The following NRXN3 variants were observed in gnomAD, a reference collection of about 807,000 sequenced individuals.
NRXN3 encodes neurexin III.
In NRXN3, 32 loss-of-function variants were observed where a neutral mutation model predicts 137.6. The ratio of observed to expected loss-of-function variants is 0.23; its 90% CI spans 0.18 to 0.31. NRXN3 has a LOEUF of 0.31. Among genes scored for constraint, NRXN3 ranks in the 10% least tolerant of loss-of-function variants. The pLI is 1.00. For synonymous variants in NRXN3, 798 were observed against 784.5 expected, an observed-to-expected ratio of 1.02 and a Z score of -0.29; for missense variants, 1,574 against 2,062.5, an observed-to-expected ratio of 0.76 and a Z score of 4.59.
At chr14:79,155,515 G>A (rs1374100252) in intron 15 of NRXN3, among the ~76,000 whole-genome samples, 1 of 151,648 alleles carries the variant, frequency 6.6e-6, no homozygotes, top group Non-Finnish European at 1.5e-5. Context: ...TCTTTAAGTT[G>A]ATTTATTTTA....
intron 10 of NRXN3, among the ~76,000 whole-genome samples, chr14:78,953,545 G>T (rs1567806067): frequency 6.6e-6 from 1 of 152,152 alleles, no homozygotes; most frequent in Non-Finnish European, 1.5e-5. Context: ...TTACCCAAGG[G>T]ATTCATTAAA....
chr14:78,318,221 G>A (rs1208333319), intron 4 of NRXN3, among the ~76,000 whole-genome samples: 1 of 152,138 alleles, frequency 6.6e-6, no homozygotes, highest in Non-Finnish European at 1.5e-5. Context: ...AAGGCCATTG[G>A]TATCCTAGCA....
intron 15 of NRXN3, among the ~76,000 whole-genome samples, chr14:79,269,889 A>T (rs1026916923): frequency 6.6e-6 from 1 of 152,224 alleles, no homozygotes; most frequent in Non-Finnish European, 1.5e-5. Flanking sequence ...TAAAAAATGA[A>T]GTCCTAGTAC....
Position 79,667,566 on chromosome 14 carries a change from G to A in NRXN3, c.3616+3617G>A, listed in dbSNP as rs139980126. Among the ~76,000 whole-genome samples the A allele has an allele frequency of 2.3e-3, 345 of 152,110 alleles. 1 individual carries two copies. Among genetic ancestry groups the A allele is most frequent in the African/African-American group, 8.0e-3 (331 of 41,516 alleles). ...ACTGGCTCTTTCTTTGTGAATCAGG[G>A]AAGAAACAGAATGAAAATAGTTCTA... On this transcript the variant is annotated intron_variant, in intron 17 of 20. Transcript: ENST00000335750.
At chr14:79,516,015 C>G (rs1312914632) in intron 16 of NRXN3, among the ~76,000 whole-genome samples, 1 of 152,168 alleles carries the variant, frequency 6.6e-6, no homozygotes, top group East Asian at 1.9e-4. Context: ...AGGCTGTGAC[C>G]TTTCAAGCTA....
chr14:78,642,458 G>T (rs1319226564), intron 4 of NRXN3, among the ~76,000 whole-genome samples: 1 of 152,116 alleles, frequency 6.6e-6, no homozygotes, highest in Admixed American at 6.5e-5. Flanking sequence ...CCTTTGAAGG[G>T]TACTGGATGA....
At chr14:79,813,704 C>T (rs1603586462) in intron 20 of NRXN3, among the ~76,000 whole-genome samples, 1 of 152,064 alleles carries the variant, frequency 6.6e-6, no homozygotes, top group Non-Finnish European at 1.5e-5. Flanking sequence ...TTTTCCTCTT[C>T]CTCCTTCTAT....
chr14:78,431,286 C>T (rs73311803), intron 4 of NRXN3, among the ~76,000 whole-genome samples: 11,054 of 152,112 alleles, frequency 0.073, 1,151 homozygotes, highest in African/African-American at 0.23. Context: ...TTGATAGGCA[C>T]TAAGGGAAAC....
intron 15 of NRXN3, among the ~76,000 whole-genome samples, chr14:79,215,225 G>T (rs1381999557): frequency 6.6e-6 from 1 of 152,134 alleles, no homozygotes; most frequent in Non-Finnish European, 1.5e-5. Context: ...CTGGAGCTGT[G>T]GATCGCCACA....
At chr14:79,331,085 G>A (rs1349204441) in intron 15 of NRXN3, among the ~76,000 whole-genome samples, 1 of 152,174 alleles carries the variant, frequency 6.6e-6, no homozygotes, top group African/African-American at 2.4e-5. Flanking sequence ...GCAGTCTAGG[G>A]ATGCTAAGGG....
At chr14:78,787,278 G>T (rs1284568275) in intron 8 of NRXN3, among the ~76,000 whole-genome samples, 2 of 151,872 alleles carry the variant, frequency 1.3e-5, no homozygotes, top group African/African-American at 4.8e-5. Flanking sequence ...TCTCTGATCT[G>T]GCCTCAGATA....
chr14:79,547,965 A>G (rs1319431127), intron 16 of NRXN3, among the ~76,000 whole-genome samples: 1 of 152,104 alleles, frequency 6.6e-6, no homozygotes, highest in Non-Finnish European at 1.5e-5. Flanking sequence ...AGAAGAGGCT[A>G]GGAGAGGAAG....
chr14:78,217,370 G>C (rs1375428957), intron 1 of NRXN3, among the ~76,000 whole-genome samples: 2 of 152,098 alleles, frequency 1.3e-5, no homozygotes, highest in Admixed American at 6.5e-5. Context: ...TGAGAGCAGT[G>C]GTTCTCAACC....
intron 17 of NRXN3, among the ~76,000 whole-genome samples, chr14:79,666,258 TCTCC>T (rs1449322989): frequency 6.6e-6 from 1 of 152,134 alleles, no homozygotes; most frequent in Non-Finnish European, 1.5e-5. Context: ...TGTTCATTCT[TCTCC>T]CTGAGACTGT....
intron 17 of NRXN3, among the ~76,000 whole-genome samples, chr14:79,672,374 A>C (rs2098613185): frequency 6.6e-6 from 1 of 152,090 alleles, no homozygotes; most frequent in African/African-American, 2.4e-5. Context: ...TGTAAGATAA[A>C]GAATTTCTTG....
chr14:79,862,146 C>T lies in NRXN3; in HGVS notation c.*182C>T, dbSNP rs943507465. On this transcript the variant is annotated 3_prime_UTR_variant, in exon 21 of 21. Transcript: ENST00000335750. ...CACACACACACACAGCGATGCATCT[C>T]TCTCTAAAGCTCAGCCACGGCTGCG... The T allele has an allele frequency of 5.1e-6, 3 of 588,170 alleles. No individual in the cohort carries two copies. Among genetic ancestry groups the T allele is most frequent in the Non-Finnish European group, 9.0e-6 (3 of 334,678 alleles). The allele number at this position is 588,170 out of a possible 1,614,324, so 36.4% of individuals were successfully genotyped here.
At chr14:78,958,745 G>C (rs1486987273) in intron 11 of NRXN3, among the ~76,000 whole-genome samples, 1 of 152,204 alleles carries the variant, frequency 6.6e-6, no homozygotes, top group Non-Finnish European at 1.5e-5. Flanking sequence ...TGGGAAAGAA[G>C]ATTTGGGGCA....
chr14:79,258,660 G>A (rs536165711), intron 15 of NRXN3, among the ~76,000 whole-genome samples: 5 of 152,276 alleles, frequency 3.3e-5, no homozygotes, highest in Admixed American at 3.3e-4. Context: ...AGTTCTTCCA[G>A]TTTTATATGG....
rs77225340 is a variant in NRXN3 at position 79,641,545 on chromosome 14, G to C, written c.3445-22233G>C. Among the ~76,000 whole-genome samples the C allele has an allele frequency of 1.5e-5, 2 of 135,430 alleles. 1 individual carries two copies. Among genetic ancestry groups the C allele is most frequent in the Admixed American group, 1.6e-4 (2 of 12,796 alleles). The allele number at this position is 135,430 out of a possible 152,430, so 88.8% of individuals were successfully genotyped here. On this transcript the variant is annotated intron_variant, in intron 16 of 20. Transcript: ENST00000335750. ...GTTGACTGAAATTTGGCTTGTCTCC[G>C]CTGGGCTCAGCATGTTGGCTCTCCT... is the stretch of plus-strand genomic sequence containing the variant.
Sources: allele counts gnomAD v4.1 joint callset (sites outside exome capture counted in the v4.1 genomes callset), GRCh38; gene constraint gnomAD v4.1.1; transcripts MANE v1.5; gene names NCBI Gene and HGNC (gene_info 2026-07-23, HGNC 2026-07-21).